Variants in POLD1 observed in about 807,000 individuals in gnomAD.
POLD1 encodes the protein DNA polymerase delta 1, catalytic subunit.
A neutral mutation model predicts 129.7 loss-of-function variants in POLD1; 79 were observed. The ratio of observed to expected loss-of-function variants is 0.61; its 90% CI spans 0.51 to 0.73. The LOEUF is 0.73. POLD1 is among the 30% of genes least tolerant of loss of function. The probability of loss-of-function intolerance (pLI) is 0.00; values close to 1 mark genes in which losing one functional copy is unlikely to be tolerated. For missense variants in POLD1, 1,338 were observed against 1,595.8 expected, an observed-to-expected ratio of 0.84 and a Z score of 2.75; for synonymous variants, 714 against 683.3, an observed-to-expected ratio of 1.04 and a Z score of -0.70.
At chr19:50,397,750 A>G (rs1244645114) in intron 1 of POLD1, among the ~76,000 whole-genome samples, 5 of 152,182 alleles carry the variant, frequency 3.3e-5, no homozygotes, top group Non-Finnish European at 7.3e-5. Flanking sequence ...AATATATATA[A>G]GTAGCAGTCT....
intron 1 of POLD1, among the ~76,000 whole-genome samples, chr19:50,397,468 G>C (rs1328686514): frequency 1.3e-5 from 2 of 148,462 alleles, no homozygotes; most frequent in East Asian, 4.0e-4. Flanking sequence ...ACAATGGCAC[G>C]ATCTCGGCTC....
intron 24 of POLD1, 148 bp downstream of exon 24, chr19:50,416,871 G>A (rs892873586): frequency 1.4e-5 from 13 of 947,616 alleles, no homozygotes; most frequent in Non-Finnish European, 1.8e-5. Flanking sequence ...ACCCCCCACA[G>A]AGGGTCCTCG....
intron 1 of POLD1, among the ~76,000 whole-genome samples, chr19:50,391,525 G>A (rs950836524): frequency 3.9e-5 from 6 of 152,258 alleles, no homozygotes; most frequent in Middle Eastern, 3.4e-3. Flanking sequence ...GCGAAACCCC[G>A]TCTCCACCAA....
At chr19:50,404,266 T>C (rs566379761) in intron 10 of POLD1, among the ~76,000 whole-genome samples, 2 of 138,640 alleles carry the variant, frequency 1.4e-5, no homozygotes, top group Admixed American at 1.4e-4. Flanking sequence ...TGTCCTCCCT[T>C]TTTTTTTTTT....
intron 1 of POLD1, among the ~76,000 whole-genome samples, chr19:50,385,976 A>G (rs1351198370): frequency 6.6e-6 from 1 of 152,044 alleles, no homozygotes; most frequent in Non-Finnish European, 1.5e-5. Flanking sequence ...TGGGGAGCCA[A>G]TGATCATTCA....
Position 50,398,875 on chromosome 19 carries a change from C to T in POLD1, c.24C>T (p.Gly8=), listed in dbSNP as rs375886642. The T allele has an allele frequency of 4.4e-6, 7 of 1,608,024 alleles. No homozygotes were observed. The highest frequency in any genetic ancestry group is 4.0e-5 in the African/African-American group (3 of 74,840). Residue 8 remains glycine, a synonymous_variant, in exon 2 of 27, where the codon GGC becomes GGT. Transcript: ENST00000440232. MDGKRRP[G]PGPGVPPKRA... ...GGATGGATGGCAAGCGGCGGCCAGG[C>T]CCAGGGCCCGGGGTGCCCCCAAAGC... is the stretch of plus-strand genomic sequence containing the variant.
intron 3 of POLD1, 78 bp from the exon 4 acceptor site, chr19:50,401,700 A>G (rs986514735): frequency 4.0e-5 from 60 of 1,512,278 alleles, no homozygotes; most frequent in South Asian, 3.3e-4. Context: ...GCAGGCCCCA[A>G]GGTATTTCGA....
chr19:50,401,056 G>A (rs561949985), intron 3 of POLD1, among the ~76,000 whole-genome samples: 2 of 151,538 alleles, frequency 1.3e-5, no homozygotes, highest in African/African-American at 4.8e-5. Flanking sequence ...TGGAGGCTGA[G>A]GCAGGCTGAT....
chr19:50,410,803 G>GAGCA (rs1485617835), intron 17 of POLD1, among the ~76,000 whole-genome samples: 1 of 151,954 alleles, frequency 6.6e-6, no homozygotes, highest in East Asian at 1.9e-4. Flanking sequence ...TATAGGCATG[G>GAGCA]AGCACCCTGT....
rs897116604 is a variant in POLD1, at chr19:50,416,281, C to A, written c.2821-115C>A. 4.5e-6 allele frequency: 5 copies of A among 1,099,684 alleles called. 1 individual carries two copies. The highest frequency in any genetic ancestry group is 3.0e-4 in the Middle Eastern group (1 of 3,358). 68.1% of individuals were successfully genotyped at this position (1,099,684 alleles called of 1,614,324 possible). A position where few individuals can be genotyped will look rare whatever the true frequency, so the allele number is the denominator to read the frequency against. On this transcript the variant is annotated intron_variant, in intron 22 of 26. Coordinates refer to ENST00000440232, the MANE Select transcript of POLD1 (RefSeq NM_002691.4). ...CCCCATCCCAGACCCAGGCCCCCCC[C>A]ATGTCACAGCCCGCAGGCAGGCCTA...
Position 50,402,606 on chromosome 19 carries a change from C to G in POLD1, c.841-6C>G. ...GCTGCCACCGCTGACCCACCCATGCCCACAGGCTACGCAGTGCCAGCTGGA... is the reference window on the plus strand; with the variant it reads ...GCTGCCACCGCTGACCCACCCATGCGCACAGGCTACGCAGTGCCAGCTGGA... On this transcript the variant is annotated splice_polypyrimidine_tract_variant and splice_region_variant and intron_variant, in intron 7 of 26. Transcript: ENST00000440232. The G allele has an allele frequency of 6.4e-7, 1 of 1,571,844 alleles. No homozygotes were observed. The highest frequency in any genetic ancestry group is 1.3e-5 in the African/African-American group (1 of 74,284).
At chr19:50,413,677 C>T (rs2039170902) in intron 18 of POLD1, 65 bp from the exon 19 acceptor site, 2 of 1,559,270 alleles carry the variant, frequency 1.3e-6, no homozygotes, top group African/African-American at 2.7e-5. Context: ...CCTGCCACCC[C>T]CCGACACCAG....
chr19:50,415,634 T>G, intron 21 of POLD1, 44 bp downstream of exon 21: 2 of 1,591,416 alleles, frequency 1.3e-6, no homozygotes, highest in Non-Finnish European at 8.6e-7. Context: ...AACCCCCTCC[T>G]TCCTGCCAGC....
chr19:50,417,369 AT>A, intron 26 of POLD1, 100 bp downstream of exon 26: 1 of 732,896 alleles, frequency 1.4e-6, no homozygotes, highest in Non-Finnish European at 2.3e-6. Flanking sequence ...TCTCCTGAGC[AT>A]CCTCCCCGCC....
rs1351034464 is a variant in POLD1, at chr19:50,414,981, T to G, written c.2555T>G (p.Leu852Arg). Residue 852 changes from leucine to arginine, a missense_variant, in exon 20 of 27, where the codon CTC becomes CGC. Around this residue, in one of 3 missense-constraint regions of POLD1, gnomAD observed 720 missense variants for 1,002.6 expected, o/e 0.72. Coordinates refer to ENST00000440232, the MANE Select transcript of POLD1 (RefSeq NM_002691.4). ...NLVTASLRRL[L>R]IDRDPEGAVA... The stretch of plus-strand genomic sequence containing the variant: ...GTCACTGCCTCACTGCGCCGCCTGC[T>G]CATCGACCGGTGTGTGGGGCCTCCT... 1 of 1,581,764 alleles carries G rather than the reference T, an allele frequency of 6.3e-7. No individual in the cohort carries two copies. Among genetic ancestry groups the G allele is most frequent in the East Asian group, 2.3e-5 (1 of 43,362 alleles).
In POLD1 at chr19:50,413,340, G is replaced by T. The variant is rs140519167; in HGVS notation, c.2155-86G>T. 486 of 1,087,836 alleles carry T rather than the reference G, an allele frequency of 4.5e-4. 1 individual carries two copies. In the African/African-American group the frequency reaches 5.8e-3, roughly 13 times the overall value. The allele number at this position is 1,087,836 out of a possible 1,614,324, so 67.4% of individuals were successfully genotyped here. A position where few individuals can be genotyped will look rare whatever the true frequency, so the allele number is the denominator to read the frequency against. On this transcript the variant is annotated intron_variant, in intron 17 of 26. Coordinates refer to ENST00000440232, the MANE Select transcript of POLD1 (RefSeq NM_002691.4). Reference sequence around the variant, plus strand: ...CATAAGCCTATGCCACTGGGAAATGGCAGAGGCGGGACCCCTCCCCCGCCG... The same window carrying T: ...CATAAGCCTATGCCACTGGGAAATGTCAGAGGCGGGACCCCTCCCCCGCCG...
intron 3 of POLD1, among the ~76,000 whole-genome samples, chr19:50,400,731 C>G (rs2038567962): frequency 6.7e-6 from 1 of 148,438 alleles, no homozygotes; most frequent in Non-Finnish European, 1.5e-5. Context: ...GAGTCTTGCT[C>G]TGTCACCTAG....
At chr19:50,408,609 C>T (rs543522175) in intron 14 of POLD1, 176 bp from the exon 15 acceptor site, 1 of 977,690 alleles carries the variant, frequency 1.0e-6, no homozygotes, top group South Asian at 1.6e-5. Flanking sequence ...TCTGAAACTC[C>T]TGAGTTCAAG....
In POLD1 at chr19:50,413,782, G is replaced by A. The variant is rs879497930; in HGVS notation, c.2291G>A (p.Gly764Asp). Residue 764 changes from glycine to aspartate, a missense_variant, in exon 19 of 27, where the codon GGC becomes GAC. Gly to Asp is a moderately conservative substitution (Grantham distance 94). Coordinates refer to ENST00000440232, the MANE Select transcript of POLD1 (RefSeq NM_002691.4). ...ACTGACTCCGTCATGTGCCGATTCG[G>A]CGTGTCCTCGGTGGCTGAGGCGATG... ...GDTDSVMCRFGVSSVAEAMAL... is the reference protein window; with the variant it reads ...GDTDSVMCRFDVSSVAEAMAL... The A allele has an allele frequency of 1.1e-5, 17 of 1,611,890 alleles. No individual in the cohort carries two copies. The highest frequency in any genetic ancestry group is 1.4e-5 in the Non-Finnish European group (16 of 1,179,618).
Sources: gnomAD v4.1 joint callset for allele counts (sites outside exome capture counted in the v4.1 genomes callset) on GRCh38, gnomAD v4.1.1 for gene constraint, gnomAD v4.1.1 regional missense constraint, MANE v1.5 for transcripts, NCBI Gene and HGNC (gene_info 2026-07-23, HGNC 2026-07-21) for gene names.